Variants in MAP3K15 observed in about 807,000 individuals in gnomAD.
MAP3K15 encodes the protein mitogen-activated protein kinase kinase kinase 15, also known as MAPK/ERK kinase kinase 15.
A neutral mutation model predicts 99.5 loss-of-function variants in MAP3K15; 124 were observed. The ratio of observed to expected loss-of-function variants is 1.25; its 90% CI spans 1.08 to 1.45. MAP3K15 has a LOEUF of 1.45. Ranked by LOEUF, MAP3K15 falls within the 40% of genes most tolerant of loss-of-function variation. The pLI is 0.00. For missense variants in MAP3K15, 1,242 were observed against 1,079.7 expected, an observed-to-expected ratio of 1.15 and a Z score of -2.11; for synonymous variants, 494 against 439.6, an observed-to-expected ratio of 1.12 and a Z score of -1.55.
Position 19,395,142 on chromosome X carries a change from C to T in MAP3K15, c.2133G>A (p.Gln711=), listed in dbSNP as rs757128363. 3 of 1,209,208 alleles carry T rather than the reference C, an allele frequency of 2.5e-6. No homozygotes were observed. The East Asian group carries it at 8.9e-5, about 36-fold the overall frequency. ...HKYLKHRNIV[Q]YLGSVSENGY... is the part of the protein sequence containing the mutation. ...CGTTCTCTGAAACAGAGCCCAGGTA[C>T]TGAACGATATTGCGGTGCTTAAGGT... The change falls in exon 16 of 29, where the codon CAG becomes CAA. Residue 711 remains glutamine, a synonymous_variant. Coordinates refer to ENST00000338883, the MANE Select transcript of MAP3K15 (RefSeq NM_001001671.4).
intron 17 of MAP3K15, 39 bp downstream of exon 17, chrX:19,392,304 C>T (rs1208981877): frequency 5.9e-6 from 7 of 1,183,299 alleles, no homozygotes; most frequent in East Asian, 3.0e-5. Context: ...TGATCTGATA[C>T]GAGCAAAGGC....
At chrX:19,410,435 TGCAGCTAGAGAGATATACAG>T (rs1242253892) in intron 11 of MAP3K15, among the ~76,000 whole-genome samples, 3 of 111,878 alleles carry the variant, frequency 2.7e-5, no homozygotes, top group African/African-American at 9.8e-5. Flanking sequence ...CAGCCTCCCT[TGCAGCTAGAGAGATATACAG>T]TGGAGTTTTG....
At chrX:19,376,351 C>A (rs1247293686) in intron 19 of MAP3K15, among the ~76,000 whole-genome samples, 1 of 110,667 alleles carries the variant, frequency 9.0e-6, no homozygotes, top group Non-Finnish European at 1.9e-5. Flanking sequence ...CGCTCCTTGG[C>A]TCCTAGATGC....
Position 19,464,297 on chromosome X carries a change from T to A in MAP3K15, c.635A>T (p.Asn212Ile). 8.3e-7 allele frequency: 1 copy of A among 1,200,088 alleles called. No homozygotes were observed. The highest frequency in any genetic ancestry group is 3.0e-5 in the East Asian group (1 of 33,851). Residue 212 changes from asparagine to isoleucine, a missense_variant, in exon 4 of 29, where the codon AAC (asparagine) becomes ATC (isoleucine). Physicochemically the swap from Asn to Ile is moderately radical, Grantham distance 149 (BLOSUM62 -3). Coordinates refer to ENST00000338883, the MANE Select transcript of MAP3K15 (RefSeq NM_001001671.4). ...QRRASEYMQPNWDNILGPLCM... is the reference protein window; with the variant it reads ...QRRASEYMQPIWDNILGPLCM... ...CAGCGGGCCCAGGATGTTGTCCCAG[T>A]TGGGCTGCATGTACTCGGAGGCTCG...
At chrX:19,416,504 G>C (rs1179160630) in intron 9 of MAP3K15, among the ~76,000 whole-genome samples, 1 of 111,590 alleles carries the variant, frequency 9.0e-6, no homozygotes. Context: ...AACACCATGG[G>C]ACCCATAGAG....
chrX:19,440,330 C>T (rs926370942), intron 6 of MAP3K15, among the ~76,000 whole-genome samples: 39 of 112,214 alleles, frequency 3.5e-4, no homozygotes, highest in African/African-American at 1.1e-3. Context: ...CTTTGTTTCC[C>T]GATTGGACCC....
intron 1 of MAP3K15, among the ~76,000 whole-genome samples, chrX:19,505,143 C>T (rs2064467442): frequency 9.2e-6 from 1 of 108,878 alleles, no homozygotes; most frequent in African/African-American, 3.4e-5. Flanking sequence ...TCTCCACCCA[C>T]CCCCACGCCA....
At chrX:19,432,721 CTTT>C (rs756639640) in intron 6 of MAP3K15, among the ~76,000 whole-genome samples, 1 of 99,624 alleles carries the variant, frequency 1.0e-5, no homozygotes, top group Non-Finnish European at 2.0e-5. Context: ...TGCCCTTAAC[CTTT>C]TTTTTTTTTT....
intron 10 of MAP3K15, among the ~76,000 whole-genome samples, 169 bp from the exon 11 acceptor site, chrX:19,413,633 T>C (rs1264690527): frequency 2.4e-5 from 2 of 82,098 alleles, no homozygotes; most frequent in African/African-American, 5.0e-5. Flanking sequence ...GGAGGATCAC[T>C]TGAGCCCAGG....
In MAP3K15 at chrX:19,425,105, G is replaced by A. The variant is rs757954972; in HGVS notation, c.1439+426C>T. 3.3e-3 allele frequency among the ~76,000 whole-genome samples: 370 copies of A among 111,570 alleles called. 2 individuals are homozygous for A. Among genetic ancestry groups the A allele is most frequent in the Middle Eastern group, 9.1e-3 (2 of 219 alleles). On this transcript the variant is annotated intron_variant, in intron 9 of 28. Coordinates refer to ENST00000338883, the MANE Select transcript of MAP3K15 (RefSeq NM_001001671.4). ...TTCTTTCCTGCACATTTAAATGGCCGTGTAAGGCTGTTGCTGTGCCACCGT... is the reference window on the plus strand; with the variant it reads ...TTCTTTCCTGCACATTTAAATGGCCATGTAAGGCTGTTGCTGTGCCACCGT...
intron 3 of MAP3K15, among the ~76,000 whole-genome samples, chrX:19,467,588 G>A (rs1025964425): frequency 2.7e-5 from 3 of 109,958 alleles, no homozygotes; most frequent in South Asian, 8.1e-4. Flanking sequence ...CCAACATGGT[G>A]AAACCCCCTC....
intron 3 of MAP3K15, among the ~76,000 whole-genome samples, chrX:19,472,950 C>T (rs940969382): frequency 3.6e-5 from 4 of 112,208 alleles, no homozygotes; most frequent in Non-Finnish European, 5.6e-5. Flanking sequence ...AATGCCATCA[C>T]AAGTTCTTTG....
rs1421874522 is a variant in MAP3K15 at position 19,360,650 on chromosome X, A to G, written c.*99T>C. 2 of 619,943 alleles carry G rather than the reference A, an allele frequency of 3.2e-6. No homozygotes were observed. Among genetic ancestry groups the G allele is most frequent in the Non-Finnish European group, 5.2e-6 (2 of 388,283 alleles). The allele number at this position is 619,943 out of a possible 1,213,427, so 51.1% of individuals were successfully genotyped here. On this transcript the variant is annotated 3_prime_UTR_variant, in exon 29 of 29. Transcript: ENST00000338883. ...CTATTAATTGAACAATGGCATTTTTAAATATGTAAACACAGCGGAATTCGT... is the reference window on the plus strand; with the variant it reads ...CTATTAATTGAACAATGGCATTTTTGAATATGTAAACACAGCGGAATTCGT...
At chrX:19,366,005 T>TCAAA (rs2063332035) in intron 25 of MAP3K15, among the ~76,000 whole-genome samples, 1 of 33,389 alleles carries the variant, frequency 3.0e-5, no homozygotes, top group African/African-American at 2.0e-4. Context: ...AGCCTCCATC[T>TCAAA]CAAAAAAAAA....
intron 9 of MAP3K15, among the ~76,000 whole-genome samples, chrX:19,418,987 C>T (rs1250804916): frequency 8.9e-6 from 1 of 111,741 alleles, no homozygotes; most frequent in Non-Finnish European, 1.9e-5. Context: ...CAAGCAAATG[C>T]TGAGACATTT....
intron 13 of MAP3K15, among the ~76,000 whole-genome samples, chrX:19,406,732 G>A (rs913012878): frequency 1.8e-5 from 2 of 112,698 alleles, no homozygotes; most frequent in Non-Finnish European, 3.8e-5. Context: ...GTGGAGTTTC[G>A]CTCTTGTTCC....
chrX:19,395,174 G>C lies in MAP3K15; in HGVS notation c.2101C>G (p.His701Asp). ...ATATTGCGGTGCTTAAGGTACTTGT[G>C]CAGGGCTATCTCCTCGTGCAGAGGC... ...SQPLHEEIAL[H>D]KYLKHRNIVQ... The change falls in exon 16 of 29, where the codon CAC (histidine) becomes GAC (aspartate). Residue 701 changes from histidine (H) to aspartate (D), a missense_variant. Physicochemically the swap from His to Asp is moderately conservative, Grantham distance 81. Coordinates refer to ENST00000338883, the MANE Select transcript of MAP3K15 (RefSeq NM_001001671.4). The C allele has an allele frequency of 8.3e-7, 1 of 1,208,858 alleles. No individual in the cohort carries two copies. The highest frequency in any genetic ancestry group is 1.7e-5 in the African/African-American group (1 of 57,544).
At chrX:19,376,134 CA>C (rs1360220566) in intron 19 of MAP3K15, among the ~76,000 whole-genome samples, 1 of 111,627 alleles carries the variant, frequency 9.0e-6, no homozygotes, top group Non-Finnish European at 1.9e-5. Flanking sequence ...TGCCGTGACC[CA>C]AAAGCTCCTT....
intron 7 of MAP3K15, among the ~76,000 whole-genome samples, chrX:19,428,671 A>T (rs73193529): frequency 8.0e-5 from 9 of 112,239 alleles, no homozygotes; most frequent in African/African-American, 2.9e-4. Flanking sequence ...TGGCATAAAA[A>T]TAAAGAGAAA....
Sources: allele counts gnomAD v4.1 joint callset (sites outside exome capture counted in the v4.1 genomes callset), GRCh38; gene constraint gnomAD v4.1.1; transcripts MANE v1.5; gene names NCBI Gene and HGNC (gene_info 2026-07-23, HGNC 2026-07-21).